The following SPRY3 variants were observed in gnomAD, a reference collection of about 807,000 sequenced individuals.
The protein encoded by SPRY3 is protein sprouty homolog 3.
SPRY3 carries 15 observed loss-of-function variants against 20.2 expected under a neutral mutation model. The ratio of observed to expected loss-of-function variants is 0.74; its 90% CI spans 0.50 to 1.14. The LOEUF (loss-of-function observed/expected upper bound fraction) is 1.14, where lower values mean the gene tolerates loss of function less well. SPRY3 is among the 50% of genes most tolerant of loss of function. SPRY3 has a pLI of 0.00. For synonymous variants in SPRY3, 143 were observed against 136.5 expected (o/e 1.05, Z -0.33); for missense variants, 364 against 363.9 (o/e 1.00, Z 0.00).
At chrX:155,766,836 G>C (rs1398307663) in intron 2 of SPRY3, among the ~76,000 whole-genome samples, 1 of 152,164 alleles carries the variant, frequency 6.6e-6, no homozygotes, top group Non-Finnish European at 1.5e-5. Flanking sequence ...TTGAATGCAT[G>C]CCATGCTAAA....
chrX:155,748,509 A>T (rs1569394606), intron 2 of SPRY3, among the ~76,000 whole-genome samples: 1 of 151,848 alleles, frequency 6.6e-6, no homozygotes, highest in Non-Finnish European at 1.5e-5. Context: ...GGTAGTAAGG[A>T]GGGAAAGGGA....
downstream of SPRY3, chrX:155,777,886 C>T (rs1232240114): frequency 6.0e-6 from 1 of 166,466 alleles, no homozygotes; most frequent in Non-Finnish European, 1.5e-5. Context: ...CATATGATAT[C>T]AGCCAAGAGT....
At chrX:155,705,994 T>G (rs992774328) in intron 2 of SPRY3, among the ~76,000 whole-genome samples, 1 of 151,202 alleles carries the variant, frequency 6.6e-6, no homozygotes, top group African/African-American at 2.4e-5. Flanking sequence ...ATATAGAAGA[T>G]CTGAACAGCA....
chrX:155,693,206 C>T (rs2068108852), intron 2 of SPRY3, among the ~76,000 whole-genome samples: 1 of 110,736 alleles, frequency 9.0e-6, no homozygotes, highest in African/African-American at 3.3e-5. Flanking sequence ...AAAATATTAT[C>T]TAATGCCTCT....
intron 2 of SPRY3, among the ~76,000 whole-genome samples, chrX:155,738,895 GC>G (rs2091186508): frequency 2.0e-5 from 3 of 152,198 alleles, no homozygotes; most frequent in Admixed American, 1.3e-4. Context: ...TAGGAAGGGG[GC>G]TGAATAAAGG....
chrX:155,679,464 G>T lies in SPRY3; in HGVS notation c.-282+22439G>T, dbSNP rs184283223. On this transcript the variant is annotated intron_variant, in intron 2 of 3. Transcript: ENST00000675360. ...TGGCAGAAGGAAGGCCAAAAAGGGTGGGGGTGGGAGTAGCTAGTTCCTTCC... is the reference window on the plus strand; with the variant it reads ...TGGCAGAAGGAAGGCCAAAAAGGGTTGGGGTGGGAGTAGCTAGTTCCTTCC... Among the ~76,000 whole-genome samples the T allele has an allele frequency of 3.7e-5, 4 of 108,696 alleles. No individual in the cohort carries two copies. In the East Asian group the frequency reaches 1.2e-3, roughly 32 times the overall value. 94.4% of individuals were successfully genotyped at this position (108,696 alleles called of 115,157 possible).
intron 2 of SPRY3, among the ~76,000 whole-genome samples, chrX:155,709,943 G>A (rs2090974887): frequency 6.6e-6 from 1 of 151,698 alleles, no homozygotes; most frequent in Non-Finnish European, 1.5e-5. Flanking sequence ...TATGTTCTTG[G>A]CACTTTTACA....
At chrX:155,649,852 C>G (rs1330834047) in intron 1 of SPRY3, among the ~76,000 whole-genome samples, 2 of 111,330 alleles carry the variant, frequency 1.8e-5, no homozygotes, top group Non-Finnish European at 3.8e-5. Context: ...CATGACATGA[C>G]TTTATATTTA....
At chrX:155,626,535 C>G (rs1356466737) in intron 1 of SPRY3, among the ~76,000 whole-genome samples, 1 of 111,199 alleles carries the variant, frequency 9.0e-6, no homozygotes, top group Non-Finnish European at 1.9e-5. Context: ...TTGAAGCATA[C>G]TAGTTTTTAA....
At chrX:155,633,352 A>C (rs1557350686) in intron 1 of SPRY3, among the ~76,000 whole-genome samples, 2 of 99,244 alleles carry the variant, frequency 2.0e-5, no homozygotes, top group African/African-American at 7.5e-5. Flanking sequence ...CATCCTGGCT[A>C]ACAAGGTGAA....
At position 155,725,405 on chromosome X, in the gene SPRY3, C is replaced by T. The variant is rs767057209; in HGVS notation, c.-281-42557C>T. 7.5e-4 allele frequency among the ~76,000 whole-genome samples: 114 copies of T among 152,282 alleles called. No homozygotes were observed. The East Asian group carries it at 0.017, about 23-fold the overall frequency. On this transcript the variant is annotated intron_variant, in intron 2 of 3. Coordinates refer to ENST00000675360, the Ensembl canonical transcript of SPRY3. ...TTCAGAAGGAATGGTACCAGCTCCT[C>T]TTTGTACCTCTGGTAGAATTCGGCT... is the stretch of plus-strand genomic sequence containing the variant.
intron 2 of SPRY3, among the ~76,000 whole-genome samples, chrX:155,715,088 T>G (rs2091012917): frequency 6.6e-6 from 1 of 152,168 alleles, no homozygotes; most frequent in Non-Finnish European, 1.5e-5. Flanking sequence ...GCTGAGCTAG[T>G]ACCTGGGGTG....
chrX:155,762,322 A>G (rs2091307351), intron 2 of SPRY3, among the ~76,000 whole-genome samples: 1 of 152,234 alleles, frequency 6.6e-6, no homozygotes, highest in South Asian at 2.1e-4. Context: ...AAGATAAGAC[A>G]TATACATAAG....
intron 2 of SPRY3, among the ~76,000 whole-genome samples, chrX:155,751,924 GAAATAAAATA>G (rs530878002): frequency 0.044 from 5,357 of 121,608 alleles, 142 homozygotes; most frequent in Middle Eastern, 0.061. Flanking sequence ...CAAGGGAAGG[GAAATAAAATA>G]AAATAAAATA....
chrX:155,691,473 G>T lies in SPRY3; in HGVS notation c.-282+34448G>T, dbSNP rs1603137601. 3.4e-5 allele frequency among the ~76,000 whole-genome samples: 3 copies of T among 88,066 alleles called. No homozygotes were observed. In the Admixed American group the frequency reaches 3.6e-4, roughly 11 times the overall value. 76.5% of individuals were successfully genotyped at this position (88,066 alleles called of 115,157 possible). ...CGATTTTTCTGAAATAGATGATTCT[G>T]ATGATTCAGAAGGTTCTGATGTTAG... is the stretch of plus-strand genomic sequence containing the variant. On this transcript the variant is annotated intron_variant, in intron 2 of 3. Coordinates refer to ENST00000675360, the Ensembl canonical transcript of SPRY3.
chrX:155,642,960 A>T (rs1188100460), intron 1 of SPRY3, among the ~76,000 whole-genome samples: 1 of 111,769 alleles, frequency 8.9e-6, no homozygotes, highest in African/African-American at 3.2e-5. Context: ...CAGCTATTGG[A>T]TGAAATGTTC....
chrX:155,759,083 T>C (rs2091294357), intron 2 of SPRY3, among the ~76,000 whole-genome samples: 1 of 151,914 alleles, frequency 6.6e-6, no homozygotes, highest in African/African-American at 2.4e-5. Context: ...TTTTTTTTTT[T>C]TGACTCTTAC....
chrX:155,751,329 T>C (rs952080610), intron 2 of SPRY3, among the ~76,000 whole-genome samples: 4 of 151,888 alleles, frequency 2.6e-5, no homozygotes, highest in Non-Finnish European at 5.9e-5. Context: ...TGCCAAGAAA[T>C]TGGCTTTACT....
chrX:155,727,298 G>C (rs979644151), intron 2 of SPRY3, among the ~76,000 whole-genome samples: 6 of 151,992 alleles, frequency 3.9e-5, no homozygotes, highest in Non-Finnish European at 8.8e-5. Context: ...TGCACTTCTC[G>C]AGGAGTATCT....
Sources: allele counts gnomAD v4.1 joint callset (sites outside exome capture counted in the v4.1 genomes callset), GRCh38; gene constraint gnomAD v4.1.1; transcripts MANE v1.5; gene names NCBI Gene and HGNC (gene_info 2026-07-23, HGNC 2026-07-21).